BRF1: variants seen among roughly 807,000 people sequenced by gnomAD.
The protein encoded by BRF1 is BRF1 general transcription factor IIIB subunit.
BRF1 carries 59 observed loss-of-function variants against 81.7 expected under a neutral mutation model. The observed-to-expected ratio is 0.72, with a 90% CI of 0.59 to 0.90. BRF1 has a LOEUF of 0.90. Ranked by LOEUF, BRF1 falls within the 40% of genes least tolerant of loss-of-function variation. BRF1 has a pLI of 0.00. For synonymous variants in BRF1, 491 were observed against 395.6 expected (o/e 1.24, Z -2.86); for missense variants, 1,050 against 936.3 (o/e 1.12, Z -1.58).
At chr14:105,299,115 G>A (rs1248652214) in intron 1 of BRF1, among the ~76,000 whole-genome samples, 1 of 152,086 alleles carries the variant, frequency 6.6e-6, no homozygotes, top group Non-Finnish European at 1.5e-5. Context: ...AGAGCTTGCA[G>A]TGAGCCGAGA....
intron 15 of BRF1, chr14:105,213,187 C>T: frequency 6.6e-6 from 1 of 152,388 alleles, no homozygotes; most frequent in Non-Finnish European, 1.5e-5. Context: ...TGGCAGCTGG[C>T]CCTGCAGCGG....
At position 105,209,353 on chromosome 14, in the gene BRF1, C is replaced by T. The variant is rs1264986775; in HGVS notation, c.*1198G>A. The T allele has an allele frequency of 1.6e-5, 9 of 580,212 alleles. No homozygotes were observed. Among genetic ancestry groups the T allele is most frequent in the Non-Finnish European group, 6.1e-6 (2 of 325,382 alleles). 35.9% of individuals were successfully genotyped at this position (580,212 alleles called of 1,614,324 possible). A position where few individuals can be genotyped will look rare whatever the true frequency, so the allele number is the denominator to read the frequency against. ...ATTCTTCCCCCAAGCCCTCGAGAAG[C>T]CCTGGCAGGACCCAGGCTGGCTACT... On this transcript the variant is annotated 3_prime_UTR_variant, in exon 18 of 18. Coordinates refer to ENST00000547530, the MANE Select transcript of BRF1 (RefSeq NM_001519.4).
At chr14:105,260,504 T>C (rs1277428420) in intron 3 of BRF1, among the ~76,000 whole-genome samples, 1 of 152,082 alleles carries the variant, frequency 6.6e-6, no homozygotes, top group Non-Finnish European at 1.5e-5. Flanking sequence ...CCCAAGTAGC[T>C]TGGACTACAG....
rs900200532 is a variant in BRF1, at chr14:105,241,802, C to T, written c.545-388G>A. The T allele has an allele frequency of 1.7e-5, 4 of 235,986 alleles. No individual in the cohort carries two copies. The East Asian group carries it at 4.0e-4, about 23-fold the overall frequency. The allele number at this position is 235,986 out of a possible 1,614,324, so 14.6% of individuals were successfully genotyped here. A position where few individuals can be genotyped will look rare whatever the true frequency, so the allele number is the denominator to read the frequency against. On this transcript the variant is annotated intron_variant, in intron 5 of 17. Coordinates refer to ENST00000547530, the MANE Select transcript of BRF1 (RefSeq NM_001519.4). ...GCAAGACAGGCGTGGGCTGGGTACA[C>T]AAGTCGCCAGCCGGCCGGCATCAGC...
At chr14:105,256,579 T>G (rs2055884251) in intron 3 of BRF1, 30 bp from the exon 4 acceptor site, 5 of 1,609,538 alleles carry the variant, frequency 3.1e-6, no homozygotes, top group Non-Finnish European at 4.2e-6. Flanking sequence ...TCCTGTCGAG[T>G]GGCTGCAAGC....
intron 2 of BRF1, among the ~76,000 whole-genome samples, chr14:105,274,051 G>C (rs138486659): frequency 6.6e-6 from 1 of 152,212 alleles, no homozygotes; most frequent in African/African-American, 2.4e-5. Flanking sequence ...GAGAAAAACC[G>C]CCCTATGGCG....
intron 15 of BRF1, among the ~76,000 whole-genome samples, chr14:105,215,063 G>A (rs1346957094): frequency 6.6e-6 from 1 of 152,180 alleles, no homozygotes; most frequent in South Asian, 2.1e-4. Flanking sequence ...TTCCGTCTTA[G>A]AACACTAAAT....
At position 105,228,798 on chromosome 14, in the gene BRF1, G is replaced by A. The variant is rs776082136; in HGVS notation, c.788+22C>T. Reference sequence around the variant, plus strand: ...GATGAAGCCTCTGTGTGGTCCCCATGCCATGAATGAGAGCCCCTCACCTCT... The same window carrying A: ...GATGAAGCCTCTGTGTGGTCCCCATACCATGAATGAGAGCCCCTCACCTCT... On this transcript the variant is annotated intron_variant, in intron 7 of 17. Coordinates refer to ENST00000547530, the MANE Select transcript of BRF1 (RefSeq NM_001519.4). The A allele has an allele frequency of 3.8e-5, 61 of 1,612,602 alleles. No homozygotes were observed. In the Middle Eastern group the frequency reaches 6.6e-4, roughly 17 times the overall value.
chr14:105,210,594 G>C lies in BRF1; in HGVS notation c.1997-6C>G. The C allele has an allele frequency of 6.2e-7, 1 of 1,611,480 alleles. No individual in the cohort carries two copies. Among genetic ancestry groups the C allele is most frequent in the South Asian group, 1.1e-5 (1 of 91,056 alleles). On this transcript the variant is annotated splice_region_variant and splice_polypyrimidine_tract_variant and intron_variant, in intron 17 of 17. Coordinates refer to ENST00000547530, the MANE Select transcript of BRF1 (RefSeq NM_001519.4). This position sits in a 1 kb window ranked among gnomAD's most constrained non-coding sequence, Gnocchi z 4.7. ...ATCGCCATCACAGCCATAGTCTGCA[G>C]AAGAGCACAGTCATGAAGCCCAGGG...
At chr14:105,241,764 G>C (rs779884362) in intron 5 of BRF1, 1 of 312,968 alleles carries the variant, frequency 3.2e-6, no homozygotes, top group Non-Finnish European at 6.3e-6. Flanking sequence ...ACAACGGTCC[G>C]GGGACTCTTA....
chr14:105,241,262 T>C lies in BRF1; in HGVS notation c.694+3A>G. Reference sequence around the variant, plus strand: ...TCCCCCAGGCAGGCAGGGCCCGCTGTACCTGCTCCGCAGAGGCCCGAGGGG... The same window carrying C: ...TCCCCCAGGCAGGCAGGGCCCGCTGCACCTGCTCCGCAGAGGCCCGAGGGG... On this transcript the variant is annotated splice_donor_region_variant and intron_variant, in intron 6 of 17. Coordinates refer to ENST00000547530, the MANE Select transcript of BRF1 (RefSeq NM_001519.4). 1 of 1,611,028 alleles carries C rather than the reference T, an allele frequency of 6.2e-7. No individual in the cohort carries two copies. Among genetic ancestry groups the C allele is most frequent in the Non-Finnish European group, 8.5e-7 (1 of 1,179,688 alleles).
At chr14:105,258,633 A>G (rs1358981663) in intron 3 of BRF1, among the ~76,000 whole-genome samples, 1 of 151,656 alleles carries the variant, frequency 6.6e-6, no homozygotes, top group Non-Finnish European at 1.5e-5. Flanking sequence ...CCCCGTCTCT[A>G]CTAAAAATAC....
Position 105,217,681 on chromosome 14 carries a change from G to A in BRF1, c.1635C>T (p.Gly545=). The A allele has an allele frequency of 6.2e-7, 1 of 1,613,394 alleles. No individual in the cohort carries two copies. The highest frequency in any genetic ancestry group is 8.5e-7 in the Non-Finnish European group (1 of 1,180,020). The change falls in exon 15 of 18, where the codon GGC becomes GGT. Residue 545 remains glycine, a synonymous_variant. Transcript: ENST00000547530. ...GACTGCCCCCGCCGGCGCTGCTGAG[G>A]CCCCGGAGCACGCTATAATTGATCT... ...SSKINYSVLR[G]LSSAGGGSPH... is the part of the protein sequence containing the mutation.
intron 5 of BRF1, chr14:105,248,629 G>A: frequency 1.0e-6 from 1 of 979,574 alleles, no homozygotes; most frequent in Non-Finnish European, 1.2e-6. Flanking sequence ...GGCTGCGCTA[G>A]GCTGGGCTCG....
chr14:105,221,970 G>C (rs1892348994), intron 10 of BRF1, 56 bp from the exon 11 acceptor site: 8 of 1,497,808 alleles, frequency 5.3e-6, no homozygotes, highest in Non-Finnish European at 7.1e-6. Context: ...GCCCGCTTTT[G>C]TGACAAAAAA....
At chr14:105,311,812 C>G (rs887358201) in intron 1 of BRF1, among the ~76,000 whole-genome samples, 29 of 152,312 alleles carry the variant, frequency 1.9e-4, no homozygotes, top group Admixed American at 1.6e-3. Flanking sequence ...GGAGGAGGGC[C>G]CTGCTGTACC....
intron 5 of BRF1, chr14:105,247,739 TC>T: frequency 1.0e-6 from 1 of 985,494 alleles, no homozygotes; most frequent in Non-Finnish European, 1.2e-6. Context: ...TGCGTGTGTG[TC>T]CTCGGGGAGG....
At chr14:105,291,140 G>C (rs2057490634) in intron 1 of BRF1, among the ~76,000 whole-genome samples, 2 of 152,164 alleles carry the variant, frequency 1.3e-5, no homozygotes, top group African/African-American at 4.8e-5. Context: ...GCCTGGCCAA[G>C]ACTGCCCCCC....
upstream of BRF1, among the ~76,000 whole-genome samples, chr14:105,302,328 C>T (rs185471390): frequency 1.2e-4 from 18 of 151,684 alleles, no homozygotes; most frequent in African/African-American, 3.1e-4. Context: ...CTCAGCCTCC[C>T]GAGTAGCTGG....
Sources: allele counts gnomAD v4.1 joint callset (sites outside exome capture counted in the v4.1 genomes callset), GRCh38; gene constraint gnomAD v4.1.1; non-coding constraint Gnocchi (gnomAD v3.1); transcripts MANE v1.5; gene names NCBI Gene and HGNC (gene_info 2026-07-23, HGNC 2026-07-21).